Variants in DCC observed in about 807,000 individuals in gnomAD.
The protein encoded by DCC is netrin receptor DCC.
A neutral mutation model predicts 172.5 loss-of-function variants in DCC; 58 were observed. That is an observed-to-expected ratio of 0.34 (90% CI 0.27 to 0.42). The LOEUF (loss-of-function observed/expected upper bound fraction) is 0.42. Ranked by LOEUF, DCC falls within the 10% of genes least tolerant of loss-of-function variation. The pLI, the probability that DCC is intolerant of heterozygous loss-of-function variation, is 1.00. For missense variants in DCC, 1,740 were observed against 1,791.0 expected, an observed-to-expected ratio of 0.97 and a Z score of 0.51; for synonymous variants, 709 against 644.5, an observed-to-expected ratio of 1.10 and a Z score of -1.52.
chr18:53,303,370 T>C (rs1451506082), intron 12 of DCC, among the ~76,000 whole-genome samples: 10 of 152,242 alleles, frequency 6.6e-5, no homozygotes, highest in African/African-American at 2.2e-4. Flanking sequence ...GATTTCATTC[T>C]TTGCATTACT....
intron 2 of DCC, among the ~76,000 whole-genome samples, chr18:52,805,632 G>C (rs1032182950): frequency 6.6e-6 from 1 of 152,174 alleles, no homozygotes; most frequent in Non-Finnish European, 1.5e-5. Flanking sequence ...ACATTACCTT[G>C]ATTTAAAGTC....
chr18:52,348,746 A>G (rs1272147429), intron 1 of DCC, among the ~76,000 whole-genome samples: 1 of 152,158 alleles, frequency 6.6e-6, no homozygotes, highest in East Asian at 1.9e-4. Flanking sequence ...TTGTCGCCTA[A>G]TACTTTACCA....
At chr18:53,385,038 T>G (rs146282599) in intron 15 of DCC, among the ~76,000 whole-genome samples, 39,293 of 140,908 alleles carry the variant, frequency 0.28, 5,946 homozygotes, top group East Asian at 0.5. Flanking sequence ...TTTTTTTTTT[T>G]GTATTTTTAG....
chr18:53,420,264 T>G (rs1161033133), intron 21 of DCC, among the ~76,000 whole-genome samples: 5 of 152,218 alleles, frequency 3.3e-5, no homozygotes, highest in Admixed American at 6.5e-5. Context: ...ACTGAAGTTT[T>G]GTTTGCTGTT....
intron 1 of DCC, among the ~76,000 whole-genome samples, chr18:52,535,016 C>T (rs190311482): frequency 6.6e-6 from 1 of 152,250 alleles, no homozygotes; most frequent in East Asian, 1.9e-4. Context: ...CCCATCTCCC[C>T]CTGTCAATGA....
At chr18:53,395,307 T>C (rs1223542470) in intron 17 of DCC, among the ~76,000 whole-genome samples, 1 of 152,214 alleles carries the variant, frequency 6.6e-6, no homozygotes, top group Non-Finnish European at 1.5e-5. Flanking sequence ...TAATTCATGG[T>C]ATTTATAGAA....
At chr18:52,976,012 CA>C (rs1315449619) in intron 5 of DCC, among the ~76,000 whole-genome samples, 12 of 152,202 alleles carry the variant, frequency 7.9e-5, no homozygotes, top group Admixed American at 6.5e-4. Context: ...ACAACCTTGC[CA>C]GCTCCTGTTA....
At chr18:52,479,342 A>G (rs1414528380) in intron 1 of DCC, among the ~76,000 whole-genome samples, 1 of 152,182 alleles carries the variant, frequency 6.6e-6, no homozygotes, top group Non-Finnish European at 1.5e-5. Context: ...GACACATTTC[A>G]CCAGCTTGAA....
At chr18:53,161,804 A>G (rs1370723390) in intron 8 of DCC, among the ~76,000 whole-genome samples, 2 of 152,194 alleles carry the variant, frequency 1.3e-5, no homozygotes, top group Non-Finnish European at 2.9e-5. Context: ...GAAATCCGTC[A>G]TCAACTCTTG....
At chr18:52,850,054 T>G (rs1280029822) in intron 2 of DCC, among the ~76,000 whole-genome samples, 1 of 152,272 alleles carries the variant, frequency 6.6e-6, no homozygotes. Context: ...TGATTTTGAG[T>G]CTTCAAATCA....
intron 1 of DCC, among the ~76,000 whole-genome samples, chr18:52,627,051 C>T (rs1180910700): frequency 6.6e-6 from 1 of 152,150 alleles, no homozygotes; most frequent in Admixed American, 6.6e-5. Context: ...TTCTTTATTT[C>T]AGGGTTATGA....
intron 27 of DCC, among the ~76,000 whole-genome samples, chr18:53,524,601 G>A (rs1010585355): frequency 1.3e-5 from 2 of 152,194 alleles, no homozygotes. Flanking sequence ...TTAAGTCAAT[G>A]CTGGAGTTGA....
chr18:52,706,801 C>T (rs1420210566), intron 1 of DCC, among the ~76,000 whole-genome samples: 2 of 152,206 alleles, frequency 1.3e-5, no homozygotes, highest in African/African-American at 4.8e-5. Context: ...ACTTCACCCA[C>T]TGTAAACAAA....
chr18:52,617,494 T>C (rs2034405415), intron 1 of DCC, among the ~76,000 whole-genome samples: 1 of 152,158 alleles, frequency 6.6e-6, no homozygotes, highest in Non-Finnish European at 1.5e-5. Flanking sequence ...ACACAGGACA[T>C]TTTAAGAGAT....
chr18:53,321,069 TTAC>T (rs1378172205), intron 13 of DCC, among the ~76,000 whole-genome samples: 2 of 152,236 alleles, frequency 1.3e-5, no homozygotes, highest in East Asian at 1.9e-4. Context: ...TGAATTCCCC[TTAC>T]TACTAAGTAT....
rs1355466476 is a variant in DCC, at chr18:53,533,651, G to A, written c.*2998G>A. 3 of 152,068 alleles carry A rather than the reference G, an allele frequency of 2.0e-5. No homozygotes were observed. Among genetic ancestry groups the A allele is most frequent in the Admixed American group, 6.6e-5 (1 of 15,254 alleles). The allele number at this position is 152,068 out of a possible 1,614,324, so 9.4% of individuals were successfully genotyped here. A position where few individuals can be genotyped will look rare whatever the true frequency, so the allele number is the denominator to read the frequency against. On this transcript the variant is annotated 3_prime_UTR_variant, in exon 29 of 29. Coordinates refer to ENST00000442544, the MANE Select transcript of DCC (RefSeq NM_005215.4). ...GTTAAATATTTCGTAGTGAATCATA[G>A]CCAATAAGAAACCAGTCATACTTGC... is the stretch of plus-strand genomic sequence containing the variant.
In DCC at chr18:52,712,157, C is replaced by T. The variant is rs138290868; in HGVS notation, c.92-39897C>T. 0.015 allele frequency among the ~76,000 whole-genome samples: 2,344 copies of T among 152,186 alleles called. 84 individuals are homozygous for T. The East Asian group carries it at 0.16, about 10-fold the overall frequency. On this transcript the variant is annotated intron_variant, in intron 1 of 28. Transcript: ENST00000442544. ...TGTATTTTTAGTAGAGACGGGGTTT[C>T]ACCATGTTGGCCAGGATGGCCTTGA... is the stretch of plus-strand genomic sequence containing the variant.
intron 1 of DCC, among the ~76,000 whole-genome samples, chr18:52,749,558 T>C (rs1373274717): frequency 6.6e-6 from 1 of 152,236 alleles, no homozygotes; most frequent in African/African-American, 2.4e-5. Context: ...AAGCCATATA[T>C]TCAAAATATA....
chr18:52,513,194 G>A (rs2031502653), intron 1 of DCC, among the ~76,000 whole-genome samples: 1 of 152,128 alleles, frequency 6.6e-6, no homozygotes, highest in Non-Finnish European at 1.5e-5. Context: ...CAGTTTGCTT[G>A]TTTTGTTTTG....
Sources: gnomAD v4.1 joint callset for allele counts (sites outside exome capture counted in the v4.1 genomes callset) on GRCh38, gnomAD v4.1.1 for gene constraint, MANE v1.5 for transcripts, NCBI Gene and HGNC (gene_info 2026-07-23, HGNC 2026-07-21) for gene names.